The following LGI1 variants were observed in gnomAD, a reference collection of about 807,000 sequenced individuals.
The protein encoded by LGI1 is leucine rich glioma inactivated 1, also known as leucine-rich glioma-inactivated protein 1.
Under a neutral mutation model 57.7 loss-of-function variants are expected in LGI1, and 11 were observed. That is an observed-to-expected ratio of 0.19 (90% confidence interval 0.12 to 0.32). LGI1 has a LOEUF of 0.32. Ranked by LOEUF, LGI1 falls within the 10% of genes least tolerant of loss-of-function variation. The probability of loss-of-function intolerance (pLI) is 1.00; values close to 1 mark genes in which losing one functional copy is unlikely to be tolerated. For missense variants in LGI1, 422 were observed against 661.9 expected, an observed-to-expected ratio of 0.64 and a Z score of 3.98; for synonymous variants, 222 against 241.9, an observed-to-expected ratio of 0.92 and a Z score of 0.76.
At chr10:93,794,019 C>CTTTTTT (rs5787082) in intron 7 of LGI1, 1 of 87,836 alleles carries the variant, frequency 1.1e-5, no homozygotes, top group African/African-American at 4.0e-5. Flanking sequence ...CTTTTTTTTT[C>CTTTTTT]TTTTTTTTTT....
rs73314778 is a variant in LGI1 at position 93,793,821 on chromosome 10, T to C, written c.838+471T>C. ...TTACACAAACGTGTCTTCTACAAAA[T>C]GTTAATGTATGCCTTGTAATGAAAA... On this transcript the variant is annotated intron_variant, in intron 7 of 7. Transcript: ENST00000371418. The C allele has an allele frequency of 1.9e-3, 308 of 161,608 alleles. 1 individual carries two copies. Among genetic ancestry groups the C allele is most frequent in the African/African-American group, 7.1e-3 (294 of 41,626 alleles). 10.0% of individuals were successfully genotyped at this position (161,608 alleles called of 1,614,324 possible).
At chr10:93,790,214 GT>G (rs1564850482) in intron 5 of LGI1, 44 bp downstream of exon 5, 2 of 1,466,786 alleles carry the variant, frequency 1.4e-6, no homozygotes, top group South Asian at 2.4e-5. Flanking sequence ...TTAATTTGCA[GT>G]CATTAACAAG....
In LGI1 at chr10:93,758,520, G is replaced by T. The variant is rs564651863; in HGVS notation, c.215+161G>T. The T allele has an allele frequency of 1.6e-5, 13 of 812,798 alleles. No homozygotes were observed. The highest frequency in any genetic ancestry group is 7.8e-5 in the East Asian group (3 of 38,238). 50.3% of individuals were successfully genotyped at this position (812,798 alleles called of 1,614,324 possible). On this transcript the variant is annotated intron_variant, in intron 1 of 7. Transcript: ENST00000371418. This position sits in a 1 kb window ranked among gnomAD's most constrained non-coding sequence, Gnocchi z 4.7. The stretch of plus-strand genomic sequence containing the variant: ...AACATTTGCTGCATTTAGAATTTTT[G>T]ATTTTTTTAGCTGCTACTGAACATG...
chr10:93,777,314 T>C, intron 2 of LGI1, 65 bp from the exon 3 acceptor site: 6 of 1,447,182 alleles, frequency 4.1e-6, no homozygotes, highest in Non-Finnish European at 5.8e-6. Flanking sequence ...TTCTGAGAGA[T>C]AAAAGCAGCC....
Position 93,797,252 on chromosome 10 carries a change from G to C in LGI1, c.1123G>C (p.Ala375Pro), listed in dbSNP as rs757480776. The change falls in exon 8 of 8, where the codon GCG becomes CCG. Residue 375 changes from alanine to proline, a missense_variant. Physicochemically the swap from Ala to Pro is conservative, Grantham distance 27 (BLOSUM62 -1). Around this residue, in one of 3 missense-constraint regions of LGI1, gnomAD observed 301 missense variants for 461.7 expected, o/e 0.65. Transcript: ENST00000371418. The surrounding 1 kb of genome is among the most constrained non-coding windows in gnomAD (Gnocchi z 6.5). ...ATTCTACTCCCATCAATCCTTACACGCGTGGTACAGGGACACTGATGTGGA... is the reference window on the plus strand; with the variant it reads ...ATTCTACTCCCATCAATCCTTACACCCGTGGTACAGGGACACTGATGTGGA... ...NGFYSHQSLH[A>P]WYRDTDVEYL... 18 of 1,613,986 alleles carry C rather than the reference G, an allele frequency of 1.1e-5. No homozygotes were observed. Among genetic ancestry groups the C allele is most frequent in the Non-Finnish European group, 1.4e-5 (17 of 1,180,032 alleles).
rs759132595 is a variant in LGI1, at chr10:93,793,313, T to C, written c.801T>C (p.His267=). The C allele has an allele frequency of 8.1e-6, 13 of 1,613,684 alleles. No homozygotes were observed. In the Admixed American group the frequency reaches 2.0e-4, roughly 25 times the overall value. The change falls in exon 7 of 8, where the codon CAT becomes CAC. Residue 267 remains histidine (H), a synonymous_variant. Coordinates refer to ENST00000371418, the MANE Select transcript of LGI1 (RefSeq NM_005097.4). ...TGKCIFLEWD[H]VEKTFRNYDN... ...AATGCATTTTCCTTGAATGGGACCA[T>C]GTGGAAAAGACCTTCCGGAATTATG...
rs115739799 is a variant in LGI1 at position 93,774,216 on chromosome 10, T to C, written c.288-3163T>C. Among the ~76,000 whole-genome samples, 337 of 152,178 alleles carry C rather than the reference T, an allele frequency of 2.2e-3. 1 individual carries two copies. The highest frequency in any genetic ancestry group is 7.8e-3 in the African/African-American group (326 of 41,538). ...CTTACCATGTGCAACCCTGGCTGCA[T>C]ATGAGTCTCCTAGGGAGCTTTTTAG... On this transcript the variant is annotated intron_variant, in intron 2 of 7. Transcript: ENST00000371418.
chr10:93,793,431 G>T, intron 7 of LGI1, 81 bp downstream of exon 7: 1 of 1,218,274 alleles, frequency 8.2e-7, no homozygotes, highest in Non-Finnish European at 1.2e-6. Context: ...AGTGGTATAG[G>T]GGAATGCTTT....
intron 4 of LGI1, among the ~76,000 whole-genome samples, chr10:93,783,324 C>T (rs1443637854): frequency 6.6e-6 from 1 of 152,082 alleles, no homozygotes; most frequent in Non-Finnish European, 1.5e-5. Flanking sequence ...TGCAGTGAGC[C>T]GAGATCGCGC....
intron 2 of LGI1, chr10:93,759,072 T>C (rs1385295264): frequency 3.8e-6 from 2 of 533,046 alleles, no homozygotes; most frequent in East Asian, 6.6e-5. Flanking sequence ...ATTTATGAAG[T>C]TGTTGGAATC....
chr10:93,788,134 A>C (rs2059905421), intron 4 of LGI1, among the ~76,000 whole-genome samples: 2 of 152,336 alleles, frequency 1.3e-5, no homozygotes, highest in South Asian at 4.1e-4. Context: ...GATAACTTTA[A>C]GCCACATTGT....
At chr10:93,781,159 C>G (rs1181678776) in intron 4 of LGI1, among the ~76,000 whole-genome samples, 1 of 151,734 alleles carries the variant, frequency 6.6e-6, no homozygotes, top group East Asian at 1.9e-4. Flanking sequence ...GAGATCGAGA[C>G]CATCCTGGCT....
chr10:93,789,819 C>T (rs1708686491), intron 4 of LGI1: 1 of 367,014 alleles, frequency 2.7e-6, no homozygotes, highest in Non-Finnish European at 4.9e-6. Context: ...TTTCAGTGAG[C>T]TGAGGTCACA....
At chr10:93,761,048 G>C (rs559654676) in intron 2 of LGI1, among the ~76,000 whole-genome samples, 2 of 152,098 alleles carry the variant, frequency 1.3e-5, no homozygotes, top group Admixed American at 6.5e-5. Context: ...CTCTGCTTCC[G>C]CCTATCCTCA....
chr10:93,778,767 T>C (rs758609902), intron 4 of LGI1: 1 of 152,226 alleles, frequency 6.6e-6, no homozygotes, highest in Non-Finnish European at 1.5e-5. Flanking sequence ...TGTTCTCTCA[T>C]CATACTTCAT....
At chr10:93,794,484 C>T (rs1191501358) in intron 7 of LGI1, 1 of 151,730 alleles carries the variant, frequency 6.6e-6, no homozygotes, top group African/African-American at 2.4e-5. Flanking sequence ...GTCCTTCAGC[C>T]TCCCAAGTAG....
intron 4 of LGI1, among the ~76,000 whole-genome samples, chr10:93,778,099 G>A (rs926012502): frequency 6.6e-6 from 1 of 152,086 alleles, no homozygotes; most frequent in Non-Finnish European, 1.5e-5. Flanking sequence ...TTCTTAACAG[G>A]GAACAATTTT....
chr10:93,781,487 G>C (rs1222499128), intron 4 of LGI1, among the ~76,000 whole-genome samples: 1 of 152,128 alleles, frequency 6.6e-6, no homozygotes, highest in East Asian at 1.9e-4. Flanking sequence ...CTTAAAAAGG[G>C]AGAGAGACTT....
chr10:93,797,035 G>A lies in LGI1; in HGVS notation c.906G>A (p.Leu302=), dbSNP rs2059986219. ...AGCTCTATGTTATTGTGGCCCAGCT[G>A]TTTGGTGGCTCTCACATCTATAAGC... ...ETQLYVIVAQ[L]FGGSHIYKRD... Residue 302 remains leucine, a synonymous_variant, in exon 8 of 8, where the codon CTG becomes CTA. Transcript: ENST00000371418. The surrounding 1 kb of genome is among the most constrained non-coding windows in gnomAD (Gnocchi z 6.5). 1.2e-6 allele frequency: 2 copies of A among 1,613,936 alleles called. No individual in the cohort carries two copies. Among genetic ancestry groups the A allele is most frequent in the Non-Finnish European group, 8.5e-7 (1 of 1,179,996 alleles).
Sources: allele counts gnomAD v4.1 joint callset (sites outside exome capture counted in the v4.1 genomes callset), GRCh38; gene constraint gnomAD v4.1.1; regional missense constraint gnomAD v4.1.1; non-coding constraint Gnocchi (gnomAD v3.1); transcripts MANE v1.5; gene names NCBI Gene and HGNC (gene_info 2026-07-23, HGNC 2026-07-21).